The following KCNIP4 variants were observed in gnomAD, a reference collection of about 807,000 sequenced individuals.
KCNIP4 encodes Kv channel-interacting protein 4.
Under a neutral mutation model 34.0 loss-of-function variants are expected in KCNIP4, and 12 were observed. The observed-to-expected ratio is 0.35, with a 90% CI of 0.23 to 0.57. The LOEUF (loss-of-function observed/expected upper bound fraction) is 0.57, where lower values mean the gene tolerates loss of function less well. KCNIP4 is among the 20% of genes least tolerant of loss of function. KCNIP4 has a pLI of 0.83. For synonymous variants in KCNIP4, 124 were observed against 102.2 expected, an observed-to-expected ratio of 1.21 and a Z score of -1.29; for missense variants, 238 against 311.7, an observed-to-expected ratio of 0.76 and a Z score of 1.78.
intron 1 of KCNIP4, among the ~76,000 whole-genome samples, chr4:21,071,864 T>C (rs1744964051): frequency 2.0e-5 from 3 of 152,156 alleles, no homozygotes; most frequent in African/African-American, 7.2e-5. Context: ...CATTGTTCAA[T>C]TCCCATCTAT....
At chr4:21,519,377 T>C (rs1183596838) in intron 1 of KCNIP4, among the ~76,000 whole-genome samples, 3 of 139,408 alleles carry the variant, frequency 2.2e-5, no homozygotes, top group Non-Finnish European at 4.8e-5. Context: ...CACACACGTA[T>C]ATGTATGTGT....
intron 1 of KCNIP4, among the ~76,000 whole-genome samples, chr4:21,488,591 G>A (rs1732112006): frequency 6.6e-6 from 1 of 152,028 alleles, no homozygotes; most frequent in Non-Finnish European, 1.5e-5. Context: ...AAAGAACATG[G>A]AAGAAGATAT....
At chr4:20,778,563 A>G (rs559161796) in intron 3 of KCNIP4, among the ~76,000 whole-genome samples, 1 of 152,348 alleles carries the variant, frequency 6.6e-6, no homozygotes, top group South Asian at 2.1e-4. Context: ...CTGCAGCTTT[A>G]CAAGATGATA....
intron 3 of KCNIP4, among the ~76,000 whole-genome samples, chr4:20,784,735 C>T (rs557610436): frequency 6.6e-6 from 1 of 152,106 alleles, no homozygotes; most frequent in Non-Finnish European, 1.5e-5. Context: ...GGCACAGCAT[C>T]TTTCTTGCTG....
At chr4:21,802,602 A>T (rs1309462867) in intron 1 of KCNIP4, among the ~76,000 whole-genome samples, 2 of 152,214 alleles carry the variant, frequency 1.3e-5, no homozygotes, top group Non-Finnish European at 2.9e-5. Context: ...CTGGACTGGC[A>T]TTCTCTACAT....
Position 21,855,381 on chromosome 4 carries a change from T to C in KCNIP4, c.61+93190A>G, listed in dbSNP as rs924787190. Among the ~76,000 whole-genome samples, 3 of 152,352 alleles carry C rather than the reference T, an allele frequency of 2.0e-5. No homozygotes were observed. In the South Asian group the frequency reaches 6.2e-4, roughly 32 times the overall value. ...TTCTATTTTCATCTTTGTTTTCCAG[T>C]GTCTAAACCGCTGAAGCTGTGACCT... On this transcript the variant is annotated intron_variant, in intron 1 of 8. Coordinates refer to ENST00000382152, the MANE Select transcript of KCNIP4 (RefSeq NM_025221.6).
chr4:21,074,245 C>T (rs1199965055), intron 1 of KCNIP4, among the ~76,000 whole-genome samples: 3 of 152,102 alleles, frequency 2.0e-5, no homozygotes, highest in Non-Finnish European at 4.4e-5. Context: ...TGGTAGAAAT[C>T]GGCTGTGAAT....
chr4:21,256,644 T>C (rs1436658649), intron 1 of KCNIP4, among the ~76,000 whole-genome samples: 1 of 152,056 alleles, frequency 6.6e-6, no homozygotes, highest in Non-Finnish European at 1.5e-5. Context: ...GGAGAGGTTT[T>C]GGATACCATG....
chr4:21,718,392 G>A (rs764745918), intron 1 of KCNIP4: 1 of 151,762 alleles, frequency 6.6e-6, no homozygotes. Context: ...ATAAAATTTG[G>A]TAAACATTTT....
At chr4:21,698,791 A>C (rs535021739) in intron 1 of KCNIP4, among the ~76,000 whole-genome samples, 7 of 152,282 alleles carry the variant, frequency 4.6e-5, no homozygotes, top group African/African-American at 1.7e-4. Flanking sequence ...TGAAACTGAT[A>C]ATTCCCAACA....
At chr4:20,992,256 C>T (rs182936374) in intron 1 of KCNIP4, among the ~76,000 whole-genome samples, 2 of 152,248 alleles carry the variant, frequency 1.3e-5, no homozygotes, top group Admixed American at 6.5e-5. Flanking sequence ...GAGAAGCAGG[C>T]ACTTTCTTCA....
chr4:21,456,878 G>A (rs1233344477), intron 1 of KCNIP4, among the ~76,000 whole-genome samples: 1 of 152,058 alleles, frequency 6.6e-6, no homozygotes, highest in Non-Finnish European at 1.5e-5. Context: ...AAGATCTCAA[G>A]ATGTGTCAAG....
intron 1 of KCNIP4, among the ~76,000 whole-genome samples, chr4:21,508,821 T>G (rs565606648): frequency 1.3e-5 from 2 of 152,344 alleles, no homozygotes; most frequent in East Asian, 3.9e-4. Flanking sequence ...TGTTGTGAGC[T>G]GATCAACTCT....
chr4:21,234,091 T>TATATAACATATATAAC lies in KCNIP4; in HGVS notation c.62-351383_62-351382insGTTATATATGTTATAT, dbSNP rs1560198106. ...ACATAACATAACATATAACGTATAT[T>TATATAACATATATAAC]ATATATAACATATATAACGTATATT... On this transcript the variant is annotated intron_variant, in intron 1 of 8. Coordinates refer to ENST00000382152, the MANE Select transcript of KCNIP4 (RefSeq NM_025221.6). Among the ~76,000 whole-genome samples, 2 of 93,050 alleles carry TATATAACATATATAAC rather than the reference T, an allele frequency of 2.1e-5. 1 individual carries two copies. The highest frequency in any genetic ancestry group is 1.2e-4 in the African/African-American group (2 of 16,208). 61.0% of individuals were successfully genotyped at this position (93,050 alleles called of 152,430 possible).
chr4:21,181,937 A>G (rs1165237715), intron 1 of KCNIP4, among the ~76,000 whole-genome samples: 1 of 152,184 alleles, frequency 6.6e-6, no homozygotes, highest in Non-Finnish European at 1.5e-5. Flanking sequence ...CTAAAATGCC[A>G]AACAGTCTCC....
At chr4:21,631,135 T>C (rs1057399922) in intron 1 of KCNIP4, among the ~76,000 whole-genome samples, 1 of 152,158 alleles carries the variant, frequency 6.6e-6, no homozygotes, top group African/African-American at 2.4e-5. Context: ...ATTTGTTACA[T>C]GTTTATTTCT....
At chr4:21,385,819 T>A (rs1169371856) in intron 1 of KCNIP4, among the ~76,000 whole-genome samples, 3 of 152,092 alleles carry the variant, frequency 2.0e-5, no homozygotes, top group Non-Finnish European at 4.4e-5. Flanking sequence ...CTGTGGAATA[T>A]CAGATACAAA....
At chr4:20,912,741 C>T (rs1728445711) in intron 1 of KCNIP4, among the ~76,000 whole-genome samples, 1 of 152,044 alleles carries the variant, frequency 6.6e-6, no homozygotes, top group East Asian at 1.9e-4. Flanking sequence ...ATAGGTTTAT[C>T]CAAAGAAGAT....
At position 20,864,014 on chromosome 4, in the gene KCNIP4, G is replaced by GTATGTATACATACATATGTA. The variant is rs1560524850; in HGVS notation, c.164-13348_164-13347insTACATATGTATGTATACATA. Reference sequence around the variant, plus strand: ...ACTAGATATACGTACATGTAAATGTGTGTATGTATACATACATATGTATGT... The same window carrying GTATGTATACATACATATGTA: ...ACTAGATATACGTACATGTAAATGTGTATGTATACATACATATGTATGTATGTATACATACATATGTATGT... On this transcript the variant is annotated intron_variant, in intron 2 of 8. Coordinates refer to ENST00000382152, the MANE Select transcript of KCNIP4 (RefSeq NM_025221.6). Among the ~76,000 whole-genome samples, 1,284 of 142,618 alleles carry GTATGTATACATACATATGTA rather than the reference G, an allele frequency of 9.0e-3. 26 individuals carry two copies. Among genetic ancestry groups the GTATGTATACATACATATGTA allele is most frequent in the African/African-American group, 0.03 (1,220 of 40,482 alleles). The allele number at this position is 142,618 out of a possible 152,430, so 93.6% of individuals were successfully genotyped here.
Sources: gnomAD v4.1 joint callset for allele counts (sites outside exome capture counted in the v4.1 genomes callset) on GRCh38, gnomAD v4.1.1 for gene constraint, MANE v1.5 for transcripts, NCBI Gene and HGNC (gene_info 2026-07-23, HGNC 2026-07-21) for gene names.